Variants in ZNF407 observed in about 807,000 individuals in gnomAD.
ZNF407 encodes zinc finger protein 407.
In ZNF407, 17 loss-of-function variants were observed where a neutral mutation model predicts 131.2. The ratio of observed to expected loss-of-function variants is 0.13; its 90% confidence interval spans 0.09 to 0.19. The LOEUF (loss-of-function observed/expected upper bound fraction) is 0.19. Among genes scored for constraint, ZNF407 ranks in the 10% least tolerant of loss-of-function variants. The pLI is 1.00. For synonymous variants in ZNF407, 1,156 were observed against 1,062.0 expected, an observed-to-expected ratio of 1.09 and a Z score of -1.72; for missense variants, 2,681 against 2,830.6, an observed-to-expected ratio of 0.95 and a Z score of 1.20.
At chr18:74,929,079 A>C (rs1021731445) in intron 8 of ZNF407, among the ~76,000 whole-genome samples, 6 of 152,300 alleles carry the variant, frequency 3.9e-5, no homozygotes, top group African/African-American at 9.6e-5. Context: ...GATTGGCCGA[A>C]CTGGCTCTCA....
At chr18:74,718,134 T>C (rs1967939707) in intron 3 of ZNF407, among the ~76,000 whole-genome samples, 2 of 152,124 alleles carry the variant, frequency 1.3e-5, no homozygotes, top group African/African-American at 4.8e-5. Flanking sequence ...TCTATACACC[T>C]CTGAAACCAT....
intron 8 of ZNF407, among the ~76,000 whole-genome samples, chr18:75,015,301 G>C (rs1232447296): frequency 6.6e-6 from 1 of 151,730 alleles, no homozygotes; most frequent in Non-Finnish European, 1.5e-5. Context: ...TCAGCAGTCA[G>C]GGTATCGATG....
At chr18:74,956,838 C>T (rs1371250068) in intron 8 of ZNF407, among the ~76,000 whole-genome samples, 1 of 152,180 alleles carries the variant, frequency 6.6e-6, no homozygotes, top group Non-Finnish European at 1.5e-5. Context: ...GTTCTTGAAA[C>T]ATGACTTCAT....
chr18:75,058,158 A>G (rs1973582903), intron 8 of ZNF407, among the ~76,000 whole-genome samples: 1 of 152,186 alleles, frequency 6.6e-6, no homozygotes, highest in Non-Finnish European at 1.5e-5. Flanking sequence ...CCCCCGCATA[A>G]TGGAGCTTGT....
chr18:74,879,614 C>T (rs960288496), intron 5 of ZNF407, among the ~76,000 whole-genome samples: 7 of 151,956 alleles, frequency 4.6e-5, no homozygotes, highest in African/African-American at 1.7e-4. Context: ...TTCTTTACAG[C>T]CCATCTACTC....
chr18:74,734,233 T>C (rs909103239), intron 3 of ZNF407, among the ~76,000 whole-genome samples: 3 of 152,128 alleles, frequency 2.0e-5, no homozygotes, highest in Non-Finnish European at 4.4e-5. Flanking sequence ...CTTTTTACTC[T>C]AAATATCACC....
intron 8 of ZNF407, among the ~76,000 whole-genome samples, chr18:75,013,299 T>C (rs1460864373): frequency 2.6e-5 from 4 of 152,140 alleles, no homozygotes; most frequent in Non-Finnish European, 5.9e-5. Context: ...AAAGACATGA[T>C]GTTTCACAGC....
intron 3 of ZNF407, among the ~76,000 whole-genome samples, chr18:74,679,896 T>G (rs1334291996): frequency 6.6e-6 from 1 of 152,268 alleles, no homozygotes; most frequent in Admixed American, 6.5e-5. Flanking sequence ...TGCCCTGTTA[T>G]GCTTTCATCT....
chr18:74,839,296 T>C lies in ZNF407; in HGVS notation c.4878-37901T>C, dbSNP rs1261211011. 2.0e-5 allele frequency among the ~76,000 whole-genome samples: 3 copies of C among 152,206 alleles called. No individual in the cohort carries two copies. The East Asian group carries it at 5.8e-4, about 29-fold the overall frequency. ...ATCTGTCAGATTTCCTCCAGAGAAA[T>C]AGAACCAGTAGAAGGTACATACACA... On this transcript the variant is annotated intron_variant, in intron 4 of 8. Coordinates refer to ENST00000299687, the MANE Select transcript of ZNF407 (RefSeq NM_017757.3).
chr18:74,918,468 A>G (rs1031373223), intron 7 of ZNF407, among the ~76,000 whole-genome samples: 14 of 152,224 alleles, frequency 9.2e-5, no homozygotes, highest in Non-Finnish European at 2.1e-4. Flanking sequence ...GGCATACATT[A>G]GGTGCTTACT....
intron 3 of ZNF407, among the ~76,000 whole-genome samples, chr18:74,653,202 A>G (rs1177159553): frequency 6.6e-6 from 1 of 151,868 alleles, no homozygotes; most frequent in Non-Finnish European, 1.5e-5. Flanking sequence ...TGGTTTTCCA[A>G]TCAAAATATC....
At chr18:74,797,872 T>C (rs1423013945) in intron 4 of ZNF407, among the ~76,000 whole-genome samples, 1 of 151,880 alleles carries the variant, frequency 6.6e-6, no homozygotes, top group African/African-American at 2.4e-5. Flanking sequence ...TAATTAAGGT[T>C]ACAACTATCA....
chr18:74,767,632 G>C (rs934179462), intron 3 of ZNF407, among the ~76,000 whole-genome samples: 4 of 143,436 alleles, frequency 2.8e-5, no homozygotes, highest in Non-Finnish European at 6.0e-5. Flanking sequence ...GAATTAGATT[G>C]TATAATTCTG....
intron 4 of ZNF407, among the ~76,000 whole-genome samples, chr18:74,782,738 C>T (rs1472458920): frequency 1.3e-5 from 2 of 152,124 alleles, no homozygotes; most frequent in Non-Finnish European, 2.9e-5. Context: ...CCTGCCTCAG[C>T]CTCCCAAGTA....
chr18:74,777,727 C>T (rs1478638467), intron 3 of ZNF407, among the ~76,000 whole-genome samples: 1 of 93,356 alleles, frequency 1.1e-5, no homozygotes, highest in Non-Finnish European at 2.5e-5. Flanking sequence ...GTTGATCGAT[C>T]GCACTCTCTC....
chr18:74,774,212 T>C (rs1289648066), intron 3 of ZNF407, among the ~76,000 whole-genome samples: 1 of 152,038 alleles, frequency 6.6e-6, no homozygotes, highest in Non-Finnish European at 1.5e-5. Context: ...CACAAAAAGA[T>C]TGGGGAAAAT....
In ZNF407 at chr18:74,631,454, G is replaced by T. The variant is rs562887940; in HGVS notation, c.435G>T (p.Leu145=). The T allele has an allele frequency of 4.3e-6, 7 of 1,613,944 alleles. No individual in the cohort carries two copies. The East Asian group carries it at 1.6e-4, about 36-fold the overall frequency. Residue 145 remains leucine, a synonymous_variant, in exon 2 of 9, where the codon CTG becomes CTT. Coordinates refer to ENST00000299687, the MANE Select transcript of ZNF407 (RefSeq NM_017757.3). Reference sequence around the variant, plus strand: ...TTAGCACTATTGATGTTGTTTCTCTGAAAACAGACACTGAAAAAACATCTG... The same window carrying T: ...TTAGCACTATTGATGTTGTTTCTCTTAAAACAGACACTGAAAAAACATCTG... The part of the protein sequence containing the change: ...CNFSTIDVVS[L]KTDTEKTSAQ...
At chr18:74,827,343 A>C (rs577816607) in intron 4 of ZNF407, among the ~76,000 whole-genome samples, 34 of 152,318 alleles carry the variant, frequency 2.2e-4, no homozygotes, top group African/African-American at 7.0e-4. Flanking sequence ...ATGGTTGCCA[A>C]ATATAGACTT....
intron 3 of ZNF407, among the ~76,000 whole-genome samples, chr18:74,736,462 A>T (rs1049784250): frequency 6.6e-6 from 1 of 152,176 alleles, no homozygotes; most frequent in African/African-American, 2.4e-5. Flanking sequence ...AGCTTGCTTT[A>T]GACTTATTAC....
Sources: gnomAD v4.1 joint callset for allele counts (sites outside exome capture counted in the v4.1 genomes callset) on GRCh38, gnomAD v4.1.1 for gene constraint, MANE v1.5 for transcripts, NCBI Gene and HGNC (gene_info 2026-07-23, HGNC 2026-07-21) for gene names.